Variants in EPHA4 observed in about 807,000 individuals in gnomAD.
EPHA4 encodes EPH receptor A4, also known as ephrin type-A receptor 4.
Under a neutral mutation model 108.3 loss-of-function variants are expected in EPHA4, and 19 were observed. The observed-to-expected ratio is 0.18, with a 90% CI of 0.12 to 0.26. The LOEUF is 0.26. Ranked by LOEUF, EPHA4 falls within the 10% of genes least tolerant of loss-of-function variation. The pLI is 1.00. For missense variants in EPHA4, 917 were observed against 1,254.0 expected, an observed-to-expected ratio of 0.73 and a Z score of 4.06; for synonymous variants, 449 against 455.5, an observed-to-expected ratio of 0.99 and a Z score of 0.18.
chr2:221,539,691 G>A (rs1018696728), intron 3 of EPHA4, among the ~76,000 whole-genome samples: 1 of 152,146 alleles, frequency 6.6e-6, no homozygotes, highest in African/African-American at 2.4e-5. Flanking sequence ...AGTAGTCACG[G>A]GAGTAGTAGT....
chr2:221,439,045 A>T (rs940642133), intron 11 of EPHA4, among the ~76,000 whole-genome samples: 1 of 152,204 alleles, frequency 6.6e-6, no homozygotes, highest in South Asian at 2.1e-4. Context: ...AATTTGTGAT[A>T]TTTCTTGATT....
chr2:221,573,125 G>A (rs1397665291), upstream of EPHA4: 1 of 152,478 alleles, frequency 6.6e-6, no homozygotes, highest in Non-Finnish European at 1.5e-5. This position sits in a 1 kb window ranked among gnomAD's most constrained non-coding sequence, Gnocchi z 4.5. Flanking sequence ...CCGGGGGCAG[G>A]GTTGGGGGCA....
At chr2:221,520,588 G>GAA (rs1693137296) in intron 3 of EPHA4, among the ~76,000 whole-genome samples, 1 of 151,386 alleles carries the variant, frequency 6.6e-6, no homozygotes, top group East Asian at 1.9e-4. Flanking sequence ...GAGAGAGAGA[G>GAA]AAACACAGAC....
intron 3 of EPHA4, among the ~76,000 whole-genome samples, chr2:221,528,030 C>T: frequency 6.6e-6 from 1 of 151,440 alleles, no homozygotes; most frequent in Non-Finnish European, 1.5e-5. Flanking sequence ...CCCAACCCCG[C>T]CGTTTCCCCT....
intron 3 of EPHA4, among the ~76,000 whole-genome samples, chr2:221,543,533 T>C (rs1171552317): frequency 6.6e-6 from 1 of 152,206 alleles, no homozygotes; most frequent in East Asian, 1.9e-4. Flanking sequence ...TTACTAAACC[T>C]GATAACCTTA....
rs759217864 is a variant in EPHA4 at position 221,482,533 on chromosome 2, G to A, written c.1137C>T (p.Pro379=). 6 of 1,614,076 alleles carry A rather than the reference G, an allele frequency of 3.7e-6. No homozygotes were observed. Among genetic ancestry groups the A allele is most frequent in the Non-Finnish European group, 5.1e-6 (6 of 1,179,988 alleles). Residue 379 remains proline (P), a synonymous_variant, in exon 5 of 18, where the codon CCC becomes CCT. Coordinates refer to ENST00000281821, the MANE Select transcript of EPHA4 (RefSeq NM_004438.5). The part of the protein sequence containing the change: ...CGAGDPSKCR[P]CGSGVHYTPQ... ...GGGTGTAGTGGACCCCACTTCCACA[G>A]GGTCGGCACTTGCTGGGGTCACCAG...
chr2:221,471,054 A>T (rs1305692510), intron 5 of EPHA4, among the ~76,000 whole-genome samples: 2 of 152,090 alleles, frequency 1.3e-5, no homozygotes, highest in Non-Finnish European at 2.9e-5. Flanking sequence ...TATAGGCATT[A>T]TAAGAATGGG....
rs538233784 is a variant in EPHA4, at chr2:221,437,757, C to CA, written c.2075-636dup. Among the ~76,000 whole-genome samples the CA allele has an allele frequency of 4.3e-3, 544 of 125,846 alleles. 4 individuals carry two copies. Among genetic ancestry groups the CA allele is most frequent in the East Asian group, 0.011 (47 of 4,436 alleles). 82.6% of individuals were successfully genotyped at this position (125,846 alleles called of 152,430 possible). A position where few individuals can be genotyped will look rare whatever the true frequency, so the allele number is the denominator to read the frequency against. ...TGAAACCCCGTTTCTACTAAAAATA[C>CA]AAAAAAAAAAAAAAAATTTGCCAAG... On this transcript the variant is annotated intron_variant, in intron 11 of 17. Coordinates refer to ENST00000281821, the MANE Select transcript of EPHA4 (RefSeq NM_004438.5).
intron 3 of EPHA4, among the ~76,000 whole-genome samples, chr2:221,559,690 G>A (rs959505664): frequency 5.6e-4 from 85 of 152,258 alleles, no homozygotes; most frequent in African/African-American, 1.7e-3. Flanking sequence ...ATGTCTGTCC[G>A]GAAGGAGATG....
Position 221,471,322 on chromosome 2 carries a change from C to T in EPHA4, c.1318+11030G>A, listed in dbSNP as rs141104138. Among the ~76,000 whole-genome samples the T allele has an allele frequency of 8.3e-4, 127 of 152,114 alleles. No homozygotes were observed. In the Middle Eastern group the frequency reaches 0.01, roughly 12 times the overall value. ...GGGCCTCTCTCATGAACTCAATTTGCTGAAGTGTGAAATTCAGCATAACTG... is the reference window on the plus strand; with the variant it reads ...GGGCCTCTCTCATGAACTCAATTTGTTGAAGTGTGAAATTCAGCATAACTG... On this transcript the variant is annotated intron_variant, in intron 5 of 17. Transcript: ENST00000281821.
chr2:221,572,088 C>T, intron 1 of EPHA4, 70 bp downstream of exon 1: 1 of 1,328,166 alleles, frequency 7.5e-7, no homozygotes, highest in East Asian at 2.3e-5. Flanking sequence ...TGGCCCTGCG[C>T]TCCTGAGGAC....
intron 11 of EPHA4, 95 bp from the exon 12 acceptor site, chr2:221,437,217 T>C: frequency 1.2e-6 from 1 of 836,226 alleles, no homozygotes. Context: ...CCAAGATACC[T>C]GTCTTGTGTG....
At chr2:221,436,968 C>G in intron 12 of EPHA4, 93 bp downstream of exon 12, 1 of 920,058 alleles carries the variant, frequency 1.1e-6, no homozygotes. Flanking sequence ...AAAAGAAATC[C>G]ACGAATACCA....
At chr2:221,534,642 T>C (rs1034349694) in intron 3 of EPHA4, among the ~76,000 whole-genome samples, 27 of 152,240 alleles carry the variant, frequency 1.8e-4, no homozygotes, top group Admixed American at 6.5e-5. Flanking sequence ...TTGTTAGCTC[T>C]GTCTAAAAGT....
At chr2:221,564,887 C>CAAAAAAAAAAA (rs1233305564) in intron 2 of EPHA4, among the ~76,000 whole-genome samples, 1 of 73,064 alleles carries the variant, frequency 1.4e-5, no homozygotes. Context: ...TCTAATACCT[C>CAAAAAAAAAAA]AAAAAAAAAA....
At chr2:221,496,239 A>C (rs1227514977) in intron 4 of EPHA4, among the ~76,000 whole-genome samples, 2 of 152,074 alleles carry the variant, frequency 1.3e-5, no homozygotes, top group Non-Finnish European at 2.9e-5. Context: ...GTCCAATAGA[A>C]CTTTCTGTGG....
At chr2:221,433,120 G>A (rs1343223805) in intron 14 of EPHA4, among the ~76,000 whole-genome samples, 2 of 152,042 alleles carry the variant, frequency 1.3e-5, no homozygotes, top group Non-Finnish European at 1.5e-5. Flanking sequence ...CACAGGGCCC[G>A]GCCTGCATTG....
intron 5 of EPHA4, among the ~76,000 whole-genome samples, chr2:221,462,971 A>G (rs1691195451): frequency 6.6e-6 from 1 of 152,030 alleles, no homozygotes; most frequent in Admixed American, 6.6e-5. Context: ...TGATGGTGAG[A>G]CTCCCAAGTC....
intron 3 of EPHA4, among the ~76,000 whole-genome samples, chr2:221,550,956 G>A (rs1348815709): frequency 1.3e-5 from 2 of 152,034 alleles, no homozygotes; most frequent in East Asian, 1.9e-4. Context: ...TCACTCCTCT[G>A]AGAAGTGTTT....
Sources: allele counts gnomAD v4.1 joint callset (sites outside exome capture counted in the v4.1 genomes callset), GRCh38; gene constraint gnomAD v4.1.1; non-coding constraint Gnocchi (gnomAD v3.1); transcripts MANE v1.5; gene names NCBI Gene and HGNC (gene_info 2026-07-23, HGNC 2026-07-21).